Variants in TNRC6A observed in about 807,000 individuals in gnomAD.
TNRC6A encodes the protein trinucleotide repeat containing adaptor 6A, also known as trinucleotide repeat-containing gene 6A protein.
In TNRC6A, 44 loss-of-function variants were observed where a neutral mutation model predicts 221.2. The observed-to-expected ratio is 0.20, with a 90% CI of 0.16 to 0.26. TNRC6A has a LOEUF of 0.26. TNRC6A is among the 10% of genes least tolerant of loss of function. The pLI is 1.00. For missense variants in TNRC6A, 2,199 were observed against 2,404.4 expected (o/e 0.91, Z 1.79); for synonymous variants, 847 against 838.5 (o/e 1.01, Z -0.18).
At chr16:24,663,630 A>C (rs1029003793) in intron 2 of TNRC6A, 1 of 194,818 alleles carries the variant, frequency 5.1e-6, no homozygotes, top group East Asian at 1.4e-4. Context: ...AGGAGCTTGC[A>C]GCTGTACCCT....
At chr16:24,811,143 G>A (rs1057110155) in intron 18 of TNRC6A, among the ~76,000 whole-genome samples, 1 of 152,204 alleles carries the variant, frequency 6.6e-6, no homozygotes, top group Non-Finnish European at 1.5e-5. Context: ...GCTTGGAGGA[G>A]CACAGGAGCT....
intron 2 of TNRC6A, among the ~76,000 whole-genome samples, chr16:24,656,433 C>T (rs2054914383): frequency 6.9e-6 from 1 of 144,556 alleles, no homozygotes; most frequent in African/African-American, 2.5e-5. Flanking sequence ...TGCCACTGCA[C>T]TCCAGCCTGG....
At chr16:24,810,263 C>A (rs950772502) in intron 18 of TNRC6A, among the ~76,000 whole-genome samples, 3 of 151,954 alleles carry the variant, frequency 2.0e-5, no homozygotes, top group African/African-American at 7.3e-5. Context: ...TAGTATTATC[C>A]ATTCACCCAG....
intron 2 of TNRC6A, among the ~76,000 whole-genome samples, chr16:24,684,204 G>T (rs2055583393): frequency 6.6e-6 from 1 of 151,872 alleles, no homozygotes; most frequent in African/African-American, 2.4e-5. Context: ...TTTGAGACCA[G>T]CCTGGGCAAC....
intron 2 of TNRC6A, among the ~76,000 whole-genome samples, chr16:24,688,967 G>A (rs1469796557): frequency 6.6e-6 from 1 of 152,124 alleles, no homozygotes; most frequent in South Asian, 2.1e-4. Flanking sequence ...TTGGGAGGCC[G>A]ACGCGGGAGG....
intron 4 of TNRC6A, among the ~76,000 whole-genome samples, chr16:24,760,347 A>G (rs7200344): frequency 1 from 152,308 of 152,314 alleles, 76,151 homozygotes; most frequent in Middle Eastern, 1. Context: ...TTTCTTCAAC[A>G]TCTTTGAGTA....
chr16:24,795,843 A>T, intron 8 of TNRC6A, 64 bp from the exon 9 acceptor site: 1 of 1,470,006 alleles, frequency 6.8e-7, no homozygotes, highest in South Asian at 1.5e-5. Flanking sequence ...TAGGTCTTCC[A>T]GTTCCAAACC....
At chr16:24,728,203 C>T (rs1289055136), upstream of TNRC6A, among the ~76,000 whole-genome samples, 3 of 152,118 alleles carry the variant, frequency 2.0e-5, no homozygotes, top group Non-Finnish European at 4.4e-5. Context: ...AATCCCAACA[C>T]CTTGGGAGGC....
chr16:24,693,067 C>A (rs1263797236), intron 2 of TNRC6A, among the ~76,000 whole-genome samples: 1 of 152,054 alleles, frequency 6.6e-6, no homozygotes, highest in Non-Finnish European at 1.5e-5. Flanking sequence ...AATAAACACA[C>A]TCACACTATT....
At chr16:24,654,095 G>A (rs1004076266) in intron 2 of TNRC6A, among the ~76,000 whole-genome samples, 19 of 152,010 alleles carry the variant, frequency 1.2e-4, no homozygotes, top group Admixed American at 1.1e-3. Flanking sequence ...GCAGAGATGG[G>A]GTCTCAATAT....
At chr16:24,798,019 A>C in intron 11 of TNRC6A, 53 bp downstream of exon 11, 1 of 1,508,474 alleles carries the variant, frequency 6.6e-7, no homozygotes, top group Non-Finnish European at 9.2e-7. Flanking sequence ...ACGCACATCC[A>C]TGACATGATT....
At chr16:24,622,971 T>C (rs1036577249) in intron 1 of TNRC6A, among the ~76,000 whole-genome samples, 2 of 152,142 alleles carry the variant, frequency 1.3e-5, no homozygotes, top group Admixed American at 1.3e-4. Flanking sequence ...AAAACCAAAA[T>C]ACAAAAGCAA....
At chr16:24,646,563 T>A (rs967135584) in intron 2 of TNRC6A, among the ~76,000 whole-genome samples, 10 of 152,232 alleles carry the variant, frequency 6.6e-5, no homozygotes, top group Non-Finnish European at 1.5e-5. Context: ...GTCTCTTGTT[T>A]TGAAACTCCA....
At chr16:24,736,438 A>G (rs750967352) in intron 2 of TNRC6A, among the ~76,000 whole-genome samples, 1 of 152,090 alleles carries the variant, frequency 6.6e-6, no homozygotes, top group Non-Finnish European at 1.5e-5. Flanking sequence ...AATTTTTTTT[A>G]AAGTTGTATT....
chr16:24,683,132 A>G (rs1458820800), intron 2 of TNRC6A, among the ~76,000 whole-genome samples: 1 of 152,142 alleles, frequency 6.6e-6, no homozygotes, highest in African/African-American at 2.4e-5. Flanking sequence ...GGAAGCCCCC[A>G]AAACAGCTCT....
intron 4 of TNRC6A, among the ~76,000 whole-genome samples, chr16:24,761,005 C>T (rs2057351976): frequency 6.6e-6 from 1 of 152,176 alleles, no homozygotes; most frequent in South Asian, 2.1e-4. Flanking sequence ...TTATCCTGTA[C>T]ATTTTAAAAT....
At chr16:24,642,958 G>T (rs905439646) in intron 2 of TNRC6A, among the ~76,000 whole-genome samples, 24 of 150,162 alleles carry the variant, frequency 1.6e-4, no homozygotes, top group Non-Finnish European at 3.1e-4. Context: ...GTGGAAGGAT[G>T]GCTGGAGCCC....
At position 24,623,772 on chromosome 16, in the gene TNRC6A, G is replaced by A. The variant is rs547230795; in HGVS notation, n.276+13288G>A. Among the ~76,000 whole-genome samples the A allele has an allele frequency of 2.3e-3, 347 of 151,514 alleles. 1 individual carries two copies. Among genetic ancestry groups the A allele is most frequent in the Non-Finnish European group, 4.0e-3 (271 of 67,868 alleles). ...AATAAAATCAGCAGAGCATGGTGGC[G>A]TGTACCTGTAGTCCCAGCTATCGGG... is the stretch of plus-strand genomic sequence containing the variant. On this transcript the variant is annotated intron_variant and non_coding_transcript_variant, in intron 1 of 2. Transcript: ENST00000566108.
chr16:24,689,106 G>C (rs934245343), intron 2 of TNRC6A, among the ~76,000 whole-genome samples: 4 of 152,114 alleles, frequency 2.6e-5, no homozygotes, highest in African/African-American at 9.7e-5. Context: ...CAAACAAAAA[G>C]CCAGGAACAT....
Sources: allele counts gnomAD v4.1 joint callset (sites outside exome capture counted in the v4.1 genomes callset), GRCh38; gene constraint gnomAD v4.1.1; transcripts MANE v1.5; gene names NCBI Gene and HGNC (gene_info 2026-07-23, HGNC 2026-07-21).